The following SLC12A5 variants were observed in gnomAD, a reference collection of about 807,000 sequenced individuals.
SLC12A5 encodes K-Cl cotransporter 2.
In SLC12A5, 18 loss-of-function variants were observed where a neutral mutation model predicts 124.0. That is an observed-to-expected ratio of 0.15 (90% CI 0.10 to 0.22). The LOEUF (loss-of-function observed/expected upper bound fraction) is 0.22. Ranked by LOEUF, SLC12A5 falls within the 10% of genes least tolerant of loss-of-function variation. SLC12A5 has a pLI of 1.00. For missense variants in SLC12A5, 867 were observed against 1,478.7 expected (o/e 0.59, Z 6.78); for synonymous variants, 589 against 568.0 (o/e 1.04, Z -0.53).
Position 46,040,664 on chromosome 20 carries a change from C to A in SLC12A5, c.854+50C>A, listed in dbSNP as rs1474910392. The A allele has an allele frequency of 3.1e-6, 5 of 1,598,046 alleles. No homozygotes were observed. The African/African-American group carries it at 5.4e-5, about 17-fold the overall frequency. On this transcript the variant is annotated intron_variant, in intron 7 of 25. Coordinates refer to ENST00000243964, the MANE Select transcript of SLC12A5 (RefSeq NM_020708.5). ...AGGAATCGTCCTCCTACCTCCCTGG[C>A]CCTGTTTCAGAGTCTCTGCCAAACT...
At chr20:46,046,292 C>T in intron 13 of SLC12A5, 46 bp from the exon 14 acceptor site, 1 of 1,535,376 alleles carries the variant, frequency 6.5e-7, no homozygotes, top group Non-Finnish European at 9.0e-7. Context: ...TCTGTTTCTG[C>T]CTCCCTTTGC....
At position 46,035,602 on chromosome 20, in the gene SLC12A5, G is replaced by C. The variant is rs144590913; in HGVS notation, c.279+67G>C. ...ATGGGGGGTGGGGGAGGATGGGGGA[G>C]GAAAATGGATTTGAATGGAGGGAGG... On this transcript the variant is annotated intron_variant, in intron 3 of 25. Transcript: ENST00000243964. 1.0e-3 allele frequency: 1,564 copies of C among 1,525,946 alleles called. 6 individuals are homozygous for C. Among genetic ancestry groups the C allele is most frequent in the Non-Finnish European group, 1.2e-3 (1,395 of 1,127,808 alleles). The allele number at this position is 1,525,946 out of a possible 1,614,324, so 94.5% of individuals were successfully genotyped here.
Position 46,053,205 on chromosome 20 carries a change from C to A in SLC12A5, c.2547+79C>A, listed in dbSNP as rs2084661341. The A allele has an allele frequency of 3.4e-6, 5 of 1,468,606 alleles. No individual in the cohort carries two copies. The Admixed American group carries it at 5.8e-5, about 17-fold the overall frequency. The allele number at this position is 1,468,606 out of a possible 1,614,324, so 91.0% of individuals were successfully genotyped here. A position where few individuals can be genotyped will look rare whatever the true frequency, so the allele number is the denominator to read the frequency against. On this transcript the variant is annotated intron_variant, in intron 19 of 25. Coordinates refer to ENST00000243964, the MANE Select transcript of SLC12A5 (RefSeq NM_020708.5). This position sits in a 1 kb window ranked among gnomAD's most constrained non-coding sequence, Gnocchi z 4.7. Reference sequence around the variant, plus strand: ...ATTTGTGTGCATATGTGCACAACTGCAGGTCAGACTCAGGGGCTCTGGCCA... The same window carrying A: ...ATTTGTGTGCATATGTGCACAACTGAAGGTCAGACTCAGGGGCTCTGGCCA...
In SLC12A5 at chr20:46,048,009, C is replaced by T. The variant is rs771263913; in HGVS notation, c.1936C>T (p.Arg646Ter). 3 of 1,612,176 alleles carry T rather than the reference C, an allele frequency of 1.9e-6. No individual in the cohort carries two copies. Among genetic ancestry groups the T allele is most frequent in the Non-Finnish European group, 1.7e-6 (2 of 1,179,292 alleles). ...AGAGAAGGAGTGGGGCGATGGGATA[C>T]GAGGTCTGTCTCTCAGTGCGGCTCG... ...GAEKEWGDGI[R>*]GLSLSAARYA... The change falls in exon 16 of 26, where the codon CGA becomes TGA. Residue 646 changes from arginine to a stop codon, truncating the protein, a stop_gained. Coordinates refer to ENST00000243964, the MANE Select transcript of SLC12A5 (RefSeq NM_020708.5). LOFTEE classifies it high-confidence loss of function.
rs932416786 is a variant in SLC12A5 at position 46,057,710 on chromosome 20, G to A, written c.*105G>A. ...CCGTTTACATACAGACCCTGTGCCC[G>A]TGTCCTGGCCCCTTACCCCGCTGCC... is the stretch of plus-strand genomic sequence containing the variant. On this transcript the variant is annotated 3_prime_UTR_variant, in exon 26 of 26. Coordinates refer to ENST00000243964, the MANE Select transcript of SLC12A5 (RefSeq NM_020708.5). This position sits in a 1 kb window ranked among gnomAD's most constrained non-coding sequence, Gnocchi z 7.1. 8.0e-6 allele frequency: 7 copies of A among 874,102 alleles called. No individual in the cohort carries two copies. Among genetic ancestry groups the A allele is most frequent in the Middle Eastern group, 3.3e-4 (1 of 3,042 alleles). 54.1% of individuals were successfully genotyped at this position (874,102 alleles called of 1,614,324 possible).
intron 1 of SLC12A5, among the ~76,000 whole-genome samples, chr20:46,030,744 G>T (rs1428180101): frequency 6.6e-6 from 1 of 151,914 alleles, no homozygotes; most frequent in East Asian, 1.9e-4. Flanking sequence ...GGATCTCAGG[G>T]CCAAGTGGCC....
rs981780037 is a variant in SLC12A5 at position 46,044,612 on chromosome 20, A to C, written c.1395-354A>C. ...CTGTGAGTGCTCACTGTCCTGGAGC[A>C]CTCATGTCTGAAGGGCATGAGCACA... On this transcript the variant is annotated intron_variant, in intron 11 of 25. Transcript: ENST00000243964. 3.3e-4 allele frequency: 91 copies of C among 276,280 alleles called. 1 individual carries two copies. Among genetic ancestry groups the C allele is most frequent in the Admixed American group, 3.0e-3 (61 of 20,102 alleles). The allele number at this position is 276,280 out of a possible 1,614,324, so 17.1% of individuals were successfully genotyped here. A position where few individuals can be genotyped will look rare whatever the true frequency, so the allele number is the denominator to read the frequency against.
In SLC12A5 at chr20:46,049,801, G is replaced by A. The variant is rs761216904; in HGVS notation, c.2181+11G>A. 2 of 1,575,628 alleles carry A rather than the reference G, an allele frequency of 1.3e-6. No homozygotes were observed. The highest frequency in any genetic ancestry group is 3.7e-5 in the Admixed American group (2 of 53,888). On this transcript the variant is annotated intron_variant, in intron 17 of 25. Transcript: ENST00000243964. ...CAGCGGGCAGAAGAGGTGAGCAGAGGCCCTGGTTGGGCTTGGGAAAAGGTC... is the reference window on the plus strand; with the variant it reads ...CAGCGGGCAGAAGAGGTGAGCAGAGACCCTGGTTGGGCTTGGGAAAAGGTC...
At chr20:46,036,669 A>G in intron 4 of SLC12A5, 72 bp from the exon 5 acceptor site, 1 of 1,554,782 alleles carries the variant, frequency 6.4e-7, no homozygotes. Flanking sequence ...TATGGGGTAT[A>G]AGGCTTGGCC....
chr20:46,031,664 C>A (rs2084450561), intron 1 of SLC12A5, among the ~76,000 whole-genome samples: 1 of 152,210 alleles, frequency 6.6e-6, no homozygotes, highest in South Asian at 2.1e-4. Flanking sequence ...AGGGATTCCC[C>A]CAGGCCCAGC....
intron 16 of SLC12A5, among the ~76,000 whole-genome samples, chr20:46,048,484 T>C (rs896807186): frequency 2.0e-4 from 30 of 152,150 alleles, no homozygotes; most frequent in Non-Finnish European, 2.9e-5. Context: ...TCATGTAGCA[T>C]TTGCTCTGAG....
intron 9 of SLC12A5, 70 bp downstream of exon 9, chr20:46,043,393 T>C (rs1192330592): frequency 2.6e-6 from 4 of 1,553,376 alleles, no homozygotes; most frequent in East Asian, 2.3e-5. Flanking sequence ...GATGATGATG[T>C]TGGGAATTTC....
In SLC12A5 at chr20:46,055,012, C is replaced by T. The variant is rs370818838; in HGVS notation, c.2776C>T (p.Arg926Trp). Residue 926 changes from arginine to tryptophan, a missense_variant, in exon 21 of 26, where the codon CGG (arginine) becomes TGG (tryptophan). By Grantham distance (101) the Arg-to-Trp change is moderately radical. This residue lies in a region of SLC12A5 where 70 missense variants were observed against 157.2 expected (regional missense o/e 0.45). Coordinates refer to ENST00000243964, the MANE Select transcript of SLC12A5 (RefSeq NM_020708.5). ...ACAGATGCATTTAACCAAGAATGAG[C>T]GGGAGCGGGAGGTGAGGTTGCCCTG... ...LKQMHLTKNEREREIQSITDE... is the reference protein window; with the variant it reads ...LKQMHLTKNEWEREIQSITDE... The T allele has an allele frequency of 1.6e-4, 253 of 1,613,438 alleles. No individual in the cohort carries two copies. The highest frequency in any genetic ancestry group is 4.3e-4 in the African/African-American group (32 of 74,874).
At chr20:46,036,409 G>T (rs1329248910) in intron 4 of SLC12A5, among the ~76,000 whole-genome samples, 1 of 152,194 alleles carries the variant, frequency 6.6e-6, no homozygotes, top group African/African-American at 2.4e-5. Context: ...CAGTGTCGGA[G>T]CTGTTACTCC....
intron 21 of SLC12A5, 152 bp from the exon 22 acceptor site, chr20:46,055,998 A>G (rs913923609): frequency 9.6e-7 from 1 of 1,044,468 alleles, no homozygotes; most frequent in Non-Finnish European, 1.4e-6. Context: ...GTGGTGCAGT[A>G]GCTATTTGGT....
In SLC12A5 at chr20:46,058,779, T is replaced by A; in HGVS notation, c.*1174T>A. ...ATTCTGGTTTAGGGGCCGGACCCAC[T>A]GAGAGGCCCCAGAGCCGCCCGTGAT... is the stretch of plus-strand genomic sequence containing the variant. On this transcript the variant is annotated 3_prime_UTR_variant, in exon 26 of 26. Coordinates refer to ENST00000243964, the MANE Select transcript of SLC12A5 (RefSeq NM_020708.5). The surrounding 1 kb of genome is among the most constrained non-coding windows in gnomAD (Gnocchi z 5.8). The A allele has an allele frequency of 2.5e-6, 1 of 398,452 alleles. No homozygotes were observed. The highest frequency in any genetic ancestry group is 4.4e-6 in the Non-Finnish European group (1 of 226,084). 24.7% of individuals were successfully genotyped at this position (398,452 alleles called of 1,614,324 possible).
chr20:46,043,501 A>G, intron 9 of SLC12A5, 132 bp from the exon 10 acceptor site: 1 of 1,177,616 alleles, frequency 8.5e-7, no homozygotes, highest in East Asian at 2.4e-5. Context: ...TAACATGTCC[A>G]AGGTCTCACA....
intron 4 of SLC12A5, chr20:46,036,481 G>T: frequency 4.9e-6 from 2 of 404,556 alleles, no homozygotes; most frequent in South Asian, 3.0e-5. Flanking sequence ...AGGTCAGGCA[G>T]CTGGTCTGAG....
In SLC12A5 at chr20:46,058,444, G is replaced by A. The variant is rs1479311820; in HGVS notation, c.*839G>A. On this transcript the variant is annotated 3_prime_UTR_variant, in exon 26 of 26. Transcript: ENST00000243964. The surrounding 1 kb of genome is among the most constrained non-coding windows in gnomAD (Gnocchi z 5.8). ...CAAGGGTCCAACTTTTCCTGGATTC[G>A]CCTCCCAGCGGACGTGAGCTTCCAC... 3 of 398,868 alleles carry A rather than the reference G, an allele frequency of 7.5e-6. No homozygotes were observed. The highest frequency in any genetic ancestry group is 4.4e-5 in the Admixed American group (1 of 22,704). 24.7% of individuals were successfully genotyped at this position (398,868 alleles called of 1,614,324 possible).
Sources: allele counts gnomAD v4.1 joint callset (sites outside exome capture counted in the v4.1 genomes callset), GRCh38; gene constraint gnomAD v4.1.1; regional missense constraint gnomAD v4.1.1; non-coding constraint Gnocchi (gnomAD v3.1); transcripts MANE v1.5; gene names NCBI Gene and HGNC (gene_info 2026-07-23, HGNC 2026-07-21).